Variants in TBC1D8 observed in about 807,000 individuals in gnomAD.
TBC1D8 encodes BUB2-like protein 1.
Under a neutral mutation model 118.8 loss-of-function variants are expected in TBC1D8, and 65 were observed. The observed-to-expected ratio is 0.55, with a 90% CI of 0.45 to 0.67. The LOEUF (loss-of-function observed/expected upper bound fraction) is 0.67. Ranked by LOEUF, TBC1D8 falls within the 30% of genes least tolerant of loss-of-function variation. TBC1D8 has a pLI of 0.00. For synonymous variants in TBC1D8, 566 were observed against 595.8 expected (o/e 0.95, Z 0.73); for missense variants, 1,376 against 1,471.2 (o/e 0.94, Z 1.06).
intron 14 of TBC1D8, 123 bp from the exon 15 acceptor site, chr2:101,027,574 C>T: frequency 1.3e-6 from 1 of 795,266 alleles, no homozygotes; most frequent in Non-Finnish European, 2.1e-6. Context: ...TTCTCTCCCA[C>T]AAAGGCTCTT....
chr2:101,015,627 C>T (rs1679572323), intron 17 of TBC1D8, among the ~76,000 whole-genome samples: 1 of 152,072 alleles, frequency 6.6e-6, no homozygotes, highest in South Asian at 2.1e-4. Flanking sequence ...GACACCTAAG[C>T]CAAAAGAACA....
chr2:101,096,522 G>C (rs1676457790), intron 1 of TBC1D8, among the ~76,000 whole-genome samples: 1 of 150,720 alleles, frequency 6.6e-6, no homozygotes, highest in Admixed American at 6.6e-5. Flanking sequence ...CACAACCTTG[G>C]AATTATCAGA....
intron 1 of TBC1D8, among the ~76,000 whole-genome samples, chr2:101,143,016 T>C (rs1679173736): frequency 6.6e-6 from 1 of 151,996 alleles, no homozygotes. Flanking sequence ...CATAAGGATA[T>C]CTTACTAAGG....
At position 101,029,626 on chromosome 2, in the gene TBC1D8, G is replaced by A. The variant is rs564042549; in HGVS notation, c.2087C>T (p.Ala696Val). 5.4e-5 allele frequency: 87 copies of A among 1,613,838 alleles called. No individual in the cohort carries two copies. Among genetic ancestry groups the A allele is most frequent in the Middle Eastern group, 1.6e-4 (1 of 6,084 alleles). ...GAAGAAGCAGTCTACCACATTCACC[G>A]CACTCTCTAGAGGCATGATGCTGAG... ...LFLSIMPLES[A>V]VNVVDCFFYD... The change falls in exon 12 of 20, where the codon GCG becomes GTG. Residue 696 changes from alanine to valine, a missense_variant. Coordinates refer to ENST00000409318, the MANE Select transcript of TBC1D8 (RefSeq NM_001330348.2).
At chr2:101,012,718 A>G (rs569802558) in intron 17 of TBC1D8, among the ~76,000 whole-genome samples, 2 of 152,322 alleles carry the variant, frequency 1.3e-5, no homozygotes, top group East Asian at 1.9e-4. Context: ...CAAAATAACA[A>G]TTATCGGGGA....
chr2:101,061,136 C>A (rs555804611), intron 2 of TBC1D8, among the ~76,000 whole-genome samples: 1 of 136,768 alleles, frequency 7.3e-6, no homozygotes, highest in Non-Finnish European at 1.5e-5. Flanking sequence ...TGCAGTGAGC[C>A]GAGATCACGC....
At chr2:101,090,598 T>C (rs1675974415) in intron 1 of TBC1D8, among the ~76,000 whole-genome samples, 1 of 152,164 alleles carries the variant, frequency 6.6e-6, no homozygotes, top group African/African-American at 2.4e-5. Flanking sequence ...GCTCAATCAA[T>C]GAAGAGGTGA....
chr2:101,076,221 C>T (rs558407121), intron 2 of TBC1D8, among the ~76,000 whole-genome samples: 21 of 152,102 alleles, frequency 1.4e-4, no homozygotes, highest in Non-Finnish European at 2.8e-4. Context: ...ATAACTCAAG[C>T]AGACAGTTGT....
rs992160715 is a variant in TBC1D8 at position 101,130,952 on chromosome 2, A to G, written c.127+20175T>C. Among the ~76,000 whole-genome samples, 50 of 152,238 alleles carry G rather than the reference A, an allele frequency of 3.3e-4. 1 individual carries two copies. Among genetic ancestry groups the G allele is most frequent in the Non-Finnish European group, 8.8e-5 (6 of 68,042 alleles). On this transcript the variant is annotated intron_variant, in intron 1 of 19. Transcript: ENST00000409318. ...AAAAACTCCTGTGTTGAAGTCATTT[A>G]ATTTTAGGAAGGGATTAGATAAGAT...
At chr2:101,008,611 C>T (rs1245949436) in intron 19 of TBC1D8, among the ~76,000 whole-genome samples, 1 of 151,592 alleles carries the variant, frequency 6.6e-6, no homozygotes, top group African/African-American at 2.4e-5. Flanking sequence ...GGTTGGGAGT[C>T]AGACCAGCCC....
chr2:101,047,027 CT>C (rs1248814735), intron 5 of TBC1D8, among the ~76,000 whole-genome samples: 1 of 152,232 alleles, frequency 6.6e-6, no homozygotes, highest in Non-Finnish European at 1.5e-5. Context: ...TGGGATACAT[CT>C]TTTCTGTTTT....
rs1368738580 is a variant in TBC1D8, at chr2:101,127,667, T to C, written c.127+23460A>G. Among the ~76,000 whole-genome samples the C allele has an allele frequency of 3.3e-5, 5 of 152,246 alleles. No homozygotes were observed. In the East Asian group the frequency reaches 9.7e-4, roughly 29 times the overall value. On this transcript the variant is annotated intron_variant, in intron 1 of 19. Coordinates refer to ENST00000409318, the MANE Select transcript of TBC1D8 (RefSeq NM_001330348.2). Reference sequence around the variant, plus strand: ...ATCCTCCCACCTCAGCCTCCCAAAGTGCTGGGATTACAAACTTAGCAACCA... The same window carrying C: ...ATCCTCCCACCTCAGCCTCCCAAAGCGCTGGGATTACAAACTTAGCAACCA...
chr2:101,059,260 C>A (rs1443368097), intron 3 of TBC1D8, among the ~76,000 whole-genome samples, 161 bp downstream of exon 3: 2 of 147,758 alleles, frequency 1.4e-5, no homozygotes, highest in African/African-American at 5.0e-5. Context: ...GCTAGACTGA[C>A]TACAAAGTTA....
intron 5 of TBC1D8, among the ~76,000 whole-genome samples, chr2:101,050,141 T>G (rs1681971117): frequency 5.3e-5 from 8 of 152,196 alleles, no homozygotes; most frequent in Admixed American, 5.2e-4. Context: ...CCTTACTATA[T>G]TTCTAAAAGC....
Position 101,128,639 on chromosome 2 carries a change from C to T in TBC1D8, c.127+22488G>A, listed in dbSNP as rs181377217. ...GGATCTCAAACAAATATTTGTACAC[C>T]TGTTTTCACGGCAGCATTATTTGCA... On this transcript the variant is annotated intron_variant, in intron 1 of 19. Coordinates refer to ENST00000409318, the MANE Select transcript of TBC1D8 (RefSeq NM_001330348.2). 9.8e-5 allele frequency among the ~76,000 whole-genome samples: 15 copies of T among 152,288 alleles called. 1 individual carries two copies. Among genetic ancestry groups the T allele is most frequent in the Admixed American group, 9.8e-4 (15 of 15,290 alleles).
intron 17 of TBC1D8, among the ~76,000 whole-genome samples, chr2:101,020,213 AATT>A: frequency 6.6e-6 from 1 of 152,310 alleles, no homozygotes; most frequent in Middle Eastern, 3.4e-3. Flanking sequence ...ATAAATCTAA[AATT>A]ATTCCAAAAT....
chr2:101,121,883 T>C (rs952099320), intron 1 of TBC1D8, among the ~76,000 whole-genome samples: 13 of 151,886 alleles, frequency 8.6e-5, no homozygotes, highest in African/African-American at 3.1e-4. Flanking sequence ...CTGGCCAATA[T>C]GGTGAAACCC....
At chr2:101,066,036 C>T (rs973867747) in intron 2 of TBC1D8, among the ~76,000 whole-genome samples, 3 of 152,122 alleles carry the variant, frequency 2.0e-5, no homozygotes, top group Admixed American at 2.0e-4. Flanking sequence ...AATCTCAACA[C>T]TTTGGGAGGC....
chr2:101,017,965 TTA>T, intron 17 of TBC1D8: 1 of 1,546,142 alleles, frequency 6.5e-7, no homozygotes, highest in Non-Finnish European at 8.7e-7. Flanking sequence ...TGAAAAGTCA[TTA>T]TAGAGGATTC....
Sources: allele counts gnomAD v4.1 joint callset (sites outside exome capture counted in the v4.1 genomes callset), GRCh38; gene constraint gnomAD v4.1.1; transcripts MANE v1.5; gene names NCBI Gene and HGNC (gene_info 2026-07-23, HGNC 2026-07-21).